C5orf47: variants seen among roughly 807,000 people sequenced by gnomAD.
C5orf47 encodes chromosome 5 open reading frame 47, also known as uncharacterized protein C5orf47.
A neutral mutation model predicts 20.6 loss-of-function variants in C5orf47; 20 were observed. The ratio of observed to expected loss-of-function variants is 0.97; its 90% CI spans 0.68 to 1.41. The LOEUF is 1.41. Ranked by LOEUF, C5orf47 falls within the 40% of genes most tolerant of loss-of-function variation. The pLI is 0.00. For missense variants in C5orf47, 262 were observed against 238.4 expected (o/e 1.10, Z -0.65); for synonymous variants, 106 against 97.3 (o/e 1.09, Z -0.53).
chr5:173,994,674 C>T (rs542323013), intron 1 of C5orf47, among the ~76,000 whole-genome samples: 33 of 152,222 alleles, frequency 2.2e-4, no homozygotes, highest in South Asian at 1.7e-3. Flanking sequence ...GAGCCACTAA[C>T]GTTAGTGACC....
intron 1 of C5orf47, among the ~76,000 whole-genome samples, chr5:173,993,839 G>C (rs1049838855): frequency 2.0e-5 from 3 of 152,100 alleles, no homozygotes; most frequent in African/African-American, 4.8e-5. Context: ...TTGTGGTTTT[G>C]GACCTTGAGT....
chr5:174,003,049 A>G (rs769647057), intron 4 of C5orf47, among the ~76,000 whole-genome samples: 1 of 152,134 alleles, frequency 6.6e-6, no homozygotes. Flanking sequence ...TGTGATCTTC[A>G]CTGATCCCTT....
rs182406922 is a variant in C5orf47 at position 174,005,466 on chromosome 5, T to G, written c.*1212T>G. The G allele has an allele frequency of 3.0e-4, 46 of 152,462 alleles. No homozygotes were observed. Among genetic ancestry groups the G allele is most frequent in the African/African-American group, 9.4e-4 (39 of 41,574 alleles). 9.4% of individuals were successfully genotyped at this position (152,462 alleles called of 1,614,324 possible). A position where few individuals can be genotyped will look rare whatever the true frequency, so the allele number is the denominator to read the frequency against. On this transcript the variant is annotated 3_prime_UTR_variant, in exon 5 of 5. Coordinates refer to ENST00000340147, the MANE Select transcript of C5orf47 (RefSeq NM_001144954.2). ...TGGTAACATGATCTTCTAGTGACTA[T>G]TTATCAAATCCACCTGTTTCTAGAT...
intron 3 of C5orf47, 35 bp downstream of exon 3, chr5:173,999,834 C>A: frequency 8.7e-7 from 1 of 1,152,110 alleles, no homozygotes; most frequent in Non-Finnish European, 1.3e-6. Flanking sequence ...ATTAAAAAGA[C>A]TGGCCTCTGT....
chr5:173,989,579 G>A lies in C5orf47; in HGVS notation c.316G>A (p.Ala106Thr). Reference protein sequence around the residue: ...SRVQSGTRQSARAGLIQKDAA... With the variant: ...SRVQSGTRQSTRAGLIQKDAA... ...AGTTCAGAGCGGCACCAGACAGTCG[G>A]CGCGTGCAGGTGGTGCAGCGGGGCA... The change falls in exon 1 of 5, where the codon GCG becomes ACG. Residue 106 changes from alanine to threonine, a missense_variant. Transcript: ENST00000340147. The A allele has an allele frequency of 6.9e-7, 1 of 1,456,666 alleles. No individual in the cohort carries two copies. The highest frequency in any genetic ancestry group is 9.1e-7 in the Non-Finnish European group (1 of 1,104,360). 90.2% of individuals were successfully genotyped at this position (1,456,666 alleles called of 1,614,324 possible).
At position 173,995,295 on chromosome 5, in the gene C5orf47, TGGAAATA is replaced by T. The variant is rs1387703619; in HGVS notation, c.326-2857_326-2851del. Reference sequence around the variant, plus strand: ...GAGGGACTTATTAATTAATGAATAATGGAAATATAAACTAGTAGATATGAGTGTTGTA... The same window carrying T: ...GAGGGACTTATTAATTAATGAATAATTAAACTAGTAGATATGAGTGTTGTA... On this transcript the variant is annotated intron_variant, in intron 1 of 4. Coordinates refer to ENST00000340147, the MANE Select transcript of C5orf47 (RefSeq NM_001144954.2). Among the ~76,000 whole-genome samples the T allele has an allele frequency of 2.6e-4, 39 of 152,272 alleles. 1 individual carries two copies. The highest frequency in any genetic ancestry group is 9.1e-4 in the African/African-American group (38 of 41,534).
chr5:173,999,419 A>G (rs910033695), intron 2 of C5orf47, among the ~76,000 whole-genome samples: 1 of 152,206 alleles, frequency 6.6e-6, no homozygotes, highest in Admixed American at 6.5e-5. Context: ...TTGATTAGGT[A>G]GGACTTTATA....
In C5orf47 at chr5:173,989,450, G is replaced by A; in HGVS notation, c.187G>A (p.Val63Ile). Residue 63 changes from valine to isoleucine, a missense_variant, in exon 1 of 5, where the codon GTT becomes ATT. By Grantham distance (29) the Val-to-Ile change is conservative. Coordinates refer to ENST00000340147, the MANE Select transcript of C5orf47 (RefSeq NM_001144954.2). ...KPREAMAVAG[V>I]QGGSELPLGS... ...GAGGGAAGCAATGGCGGTGGCGGGC[G>A]TTCAGGGTGGCAGCGAGCTGCCCCT... is the stretch of plus-strand genomic sequence containing the variant. 1.3e-6 allele frequency: 2 copies of A among 1,549,588 alleles called. No homozygotes were observed. The highest frequency in any genetic ancestry group is 2.4e-5 in the East Asian group (1 of 40,908).
intron 4 of C5orf47, among the ~76,000 whole-genome samples, chr5:174,001,441 A>G (rs747956258): frequency 2.6e-5 from 4 of 151,996 alleles, no homozygotes; most frequent in Non-Finnish European, 5.9e-5. Flanking sequence ...CCATCATGCT[A>G]TTAGAAATTC....
chr5:174,004,108 A>G (rs879792555), intron 4 of C5orf47, among the ~76,000 whole-genome samples, 163 bp from the exon 5 acceptor site: 23 of 152,202 alleles, frequency 1.5e-4, no homozygotes, highest in Non-Finnish European at 3.2e-4. Flanking sequence ...TCTGTTGGAA[A>G]CTTTTTATGT....
chr5:173,989,673 C>T, intron 1 of C5orf47, 85 bp downstream of exon 1: 1 of 1,183,934 alleles, frequency 8.4e-7, no homozygotes, highest in Non-Finnish European at 1.1e-6. Flanking sequence ...CATCTTGCGG[C>T]ACGCAGGAGG....
intron 4 of C5orf47, among the ~76,000 whole-genome samples, chr5:174,002,727 T>A (rs1022431974): frequency 6.6e-6 from 1 of 152,152 alleles, no homozygotes; most frequent in African/African-American, 2.4e-5. Context: ...TAGCCTACAT[T>A]TCACTTTTTT....
intron 4 of C5orf47, 69 bp downstream of exon 4, chr5:174,001,300 C>T: frequency 1.2e-6 from 1 of 846,634 alleles, no homozygotes; most frequent in Non-Finnish European, 1.9e-6. Context: ...ATCCTCCCTT[C>T]TCCAAACATT....
chr5:173,996,939 A>G (rs1759109419), intron 1 of C5orf47, among the ~76,000 whole-genome samples: 2 of 152,178 alleles, frequency 1.3e-5, no homozygotes, highest in Admixed American at 1.3e-4. Flanking sequence ...TTCTCACCAT[A>G]TGAGTTAATA....
chr5:173,993,841 A>G (rs1006909229), intron 1 of C5orf47, among the ~76,000 whole-genome samples: 48 of 152,308 alleles, frequency 3.2e-4, no homozygotes, highest in Non-Finnish European at 4.9e-4. Context: ...GTGGTTTTGG[A>G]CCTTGAGTTT....
chr5:173,990,523 T>G (rs2113355729), intron 1 of C5orf47, among the ~76,000 whole-genome samples: 1 of 151,734 alleles, frequency 6.6e-6, no homozygotes, highest in South Asian at 2.1e-4. Flanking sequence ...CAACCTACGC[T>G]CCCCTGGTTC....
chr5:174,001,264 AT>A, intron 4 of C5orf47, 33 bp downstream of exon 4: 4 of 1,176,256 alleles, frequency 3.4e-6, no homozygotes, highest in South Asian at 1.4e-5. Context: ...ATTATGGAAT[AT>A]AGATTTTATT....
intron 1 of C5orf47, among the ~76,000 whole-genome samples, chr5:173,995,825 T>G (rs576561142): frequency 6.6e-6 from 1 of 152,306 alleles, no homozygotes; most frequent in East Asian, 1.9e-4. Flanking sequence ...GATTTTTGAA[T>G]GGTGGGGTGG....
chr5:173,990,857 C>T (rs1758983083), intron 1 of C5orf47, among the ~76,000 whole-genome samples: 1 of 152,184 alleles, frequency 6.6e-6, no homozygotes, highest in South Asian at 2.1e-4. Context: ...AGAACATTTC[C>T]ATCACTTGTA....
Sources: gnomAD v4.1 joint callset for allele counts (sites outside exome capture counted in the v4.1 genomes callset) on GRCh38, gnomAD v4.1.1 for gene constraint, MANE v1.5 for transcripts, NCBI Gene and HGNC (gene_info 2026-07-23, HGNC 2026-07-21) for gene names.